The following BPI variants were observed in gnomAD, a reference collection of about 807,000 sequenced individuals.
BPI encodes the protein bactericidal permeability-increasing protein.
In BPI, 48 loss-of-function variants were observed where a neutral mutation model predicts 57.6. The observed-to-expected ratio is 0.83, with a 90% CI of 0.66 to 1.06. BPI has a LOEUF of 1.06. Ranked by LOEUF, BPI falls within the 50% of genes least tolerant of loss-of-function variation. The pLI, the probability that BPI is intolerant of heterozygous loss-of-function variation, is 0.00. For missense variants in BPI, 651 were observed against 609.7 expected (o/e 1.07, Z -0.71); for synonymous variants, 237 against 238.2 (o/e 0.99, Z 0.05).
chr20:38,316,366 G>T (rs2076652058), intron 5 of BPI, among the ~76,000 whole-genome samples: 1 of 152,222 alleles, frequency 6.6e-6, no homozygotes, highest in African/African-American at 2.4e-5. Flanking sequence ...TTTGGTTTGG[G>T]ATGTGCCAGC....
In BPI at chr20:38,337,290, C is replaced by T. The variant is rs2076772362; in HGVS notation, c.*106C>T. 2.1e-6 allele frequency: 2 copies of T among 950,930 alleles called. No individual in the cohort carries two copies. The highest frequency in any genetic ancestry group is 5.5e-5 in the East Asian group (2 of 36,106). 58.9% of individuals were successfully genotyped at this position (950,930 alleles called of 1,614,324 possible). A position where few individuals can be genotyped will look rare whatever the true frequency, so the allele number is the denominator to read the frequency against. ...TCCTCTCCAGATCTTAACCAAGAGC[C>T]CCTTGCAAACTTCTTCGACTCAGAT... On this transcript the variant is annotated 3_prime_UTR_variant, in exon 15 of 15. Transcript: ENST00000642449.
At chr20:38,305,878 C>T (rs1056632447) in intron 1 of BPI, among the ~76,000 whole-genome samples, 9 of 152,192 alleles carry the variant, frequency 5.9e-5, no homozygotes, top group South Asian at 4.1e-4. Context: ...TAACTGGCTC[C>T]GAGAAAACCC....
Position 38,324,032 on chromosome 20 carries a change from C to A in BPI, c.919C>A (p.Leu307Ile). ...YQEAGVLKMT[L>I]RDDMIPKESK... The stretch of plus-strand genomic sequence containing the variant: ...AGAGGCTGGGGTCTTGAAGATGACC[C>A]TTAGAGATGACATGGTAAGGCCGGG... The change falls in exon 8 of 15, where the codon CTT (leucine) becomes ATT (isoleucine). Residue 307 changes from leucine to isoleucine, a missense_variant. Transcript: ENST00000642449. The A allele has an allele frequency of 6.2e-7, 1 of 1,613,916 alleles. No homozygotes were observed. The highest frequency in any genetic ancestry group is 2.2e-5 in the East Asian group (1 of 44,876).
intron 7 of BPI, among the ~76,000 whole-genome samples, chr20:38,320,517 G>A (rs1033311878): frequency 1.3e-5 from 2 of 151,184 alleles, no homozygotes; most frequent in Admixed American, 1.3e-4. Context: ...CCTCCGCCTG[G>A]GTACTCTCCC....
intron 5 of BPI, among the ~76,000 whole-genome samples, chr20:38,314,927 C>T (rs964948698): frequency 2.0e-5 from 3 of 150,594 alleles, no homozygotes; most frequent in Admixed American, 2.0e-4. Flanking sequence ...GGTAAGTATA[C>T]ACCGATTTAA....
intron 11 of BPI, among the ~76,000 whole-genome samples, chr20:38,329,790 G>A (rs534476775): frequency 6.6e-6 from 1 of 152,020 alleles, no homozygotes; most frequent in Non-Finnish European, 1.5e-5. Context: ...TCAGCTCACT[G>A]CAACCCCTGC....
At chr20:38,313,221 T>C (rs1331296344) in intron 5 of BPI, among the ~76,000 whole-genome samples, 1 of 151,838 alleles carries the variant, frequency 6.6e-6, no homozygotes, top group Non-Finnish European at 1.5e-5. Context: ...CTGTCTTTAC[T>C]AAAAATACAA....
At chr20:38,309,561 C>T (rs559724700) in intron 3 of BPI, among the ~76,000 whole-genome samples, 118 of 152,334 alleles carry the variant, frequency 7.7e-4, no homozygotes, top group Non-Finnish European at 1.2e-3. Flanking sequence ...CAGGAACACA[C>T]AGGTCCTCTT....
At chr20:38,322,394 G>A (rs1457224948) in intron 7 of BPI, among the ~76,000 whole-genome samples, 1 of 152,244 alleles carries the variant, frequency 6.6e-6, no homozygotes, top group African/African-American at 2.4e-5. Flanking sequence ...GAAAGGTCTT[G>A]TTTATCTCCT....
At chr20:38,306,025 A>G (rs1214729066) in intron 1 of BPI, among the ~76,000 whole-genome samples, 1 of 152,078 alleles carries the variant, frequency 6.6e-6, no homozygotes, top group Non-Finnish European at 1.5e-5. Context: ...TTATTCATCT[A>G]ATAAATCTTT....
At chr20:38,330,920 A>AT in intron 11 of BPI, 128 bp from the exon 12 acceptor site, 1 of 1,051,898 alleles carries the variant, frequency 9.5e-7, no homozygotes, top group South Asian at 1.4e-5. Context: ...TGACCCGTGG[A>AT]AGGGGAGTGG....
intron 5 of BPI, among the ~76,000 whole-genome samples, chr20:38,314,827 G>A (rs2076644186): frequency 6.7e-6 from 1 of 149,832 alleles, no homozygotes; most frequent in East Asian, 2.0e-4. Flanking sequence ...TGGGGATGAT[G>A]ATAATGGTGA....
chr20:38,309,972 G>A (rs1334055414), intron 3 of BPI, among the ~76,000 whole-genome samples: 1 of 152,160 alleles, frequency 6.6e-6, no homozygotes, highest in Non-Finnish European at 1.5e-5. Context: ...GGGCTGTTTT[G>A]CATCTGTCTT....
intron 1 of BPI, 66 bp downstream of exon 1, chr20:38,304,419 G>A (rs779747823): frequency 2.5e-6 from 4 of 1,580,980 alleles, no homozygotes; most frequent in Non-Finnish European, 3.4e-6. Flanking sequence ...TCTACTGTGT[G>A]CACCCCTTTA....
chr20:38,331,338 G>A (rs1161231536), intron 12 of BPI, among the ~76,000 whole-genome samples: 1 of 152,224 alleles, frequency 6.6e-6, no homozygotes, highest in Non-Finnish European at 1.5e-5. Flanking sequence ...TTCCCCACCT[G>A]AGTGAGTGTA....
At chr20:38,318,554 G>A (rs1188764982) in intron 6 of BPI, 78 bp downstream of exon 6, 2 of 1,516,568 alleles carry the variant, frequency 1.3e-6, no homozygotes, top group Non-Finnish European at 9.2e-7. Context: ...GATGTGATGG[G>A]GCCGGCAAGT....
At chr20:38,327,819 G>A (rs959381936) in intron 11 of BPI, among the ~76,000 whole-genome samples, 164 bp downstream of exon 11, 3 of 152,110 alleles carry the variant, frequency 2.0e-5, no homozygotes, top group Admixed American at 2.0e-4. Context: ...TCCCCATTTT[G>A]CAGACCATGA....
At chr20:38,318,552 G>T in intron 6 of BPI, 76 bp downstream of exon 6, 1 of 1,528,416 alleles carries the variant, frequency 6.5e-7, no homozygotes, top group Admixed American at 1.7e-5. Context: ...TGGATGTGAT[G>T]GGGCCGGCAA....
At chr20:38,330,615 G>A (rs1020163519) in intron 11 of BPI, among the ~76,000 whole-genome samples, 1 of 152,206 alleles carries the variant, frequency 6.6e-6, no homozygotes, top group Non-Finnish European at 1.5e-5. Flanking sequence ...GCTATCCTCT[G>A]TGCTGGCTTC....
Sources: gnomAD v4.1 joint callset for allele counts (sites outside exome capture counted in the v4.1 genomes callset) on GRCh38, gnomAD v4.1.1 for gene constraint, MANE v1.5 for transcripts, NCBI Gene and HGNC (gene_info 2026-07-23, HGNC 2026-07-21) for gene names.